The following ZNF226 variants were observed in gnomAD, a reference collection of about 807,000 sequenced individuals.
ZNF226 encodes the protein Kruppel-associated box protein.
In ZNF226, 6 loss-of-function variants were observed where a neutral mutation model predicts 11.4. That is an observed-to-expected ratio of 0.53 (90% CI 0.29 to 1.04). ZNF226 has a LOEUF of 1.04. Ranked by LOEUF, ZNF226 falls within the 50% of genes least tolerant of loss-of-function variation. ZNF226 has a pLI of 0.08. For missense variants in ZNF226, 1,058 were observed against 956.5 expected (o/e 1.11, Z -1.40); for synonymous variants, 350 against 322.8 (o/e 1.08, Z -0.90).
In ZNF226 at chr19:44,172,146, T is replaced by C. The variant is rs1388121224; in HGVS notation, c.74T>C (p.Leu25Pro). 13 of 1,613,250 alleles carry C rather than the reference T, an allele frequency of 8.1e-6. No individual in the cohort carries two copies. Among genetic ancestry groups the C allele is most frequent in the African/African-American group, 1.3e-5 (1 of 74,936 alleles). ...TTCACGGAGGAGGAATTGGGGCTGC[T>C]GGGCCCTGCCCAGAGGAAGCTGTAC... ...VAFTEEELGL[L>P]GPAQRKLYRD... is the part of the protein sequence containing the mutation. The change falls in exon 4 of 6, where the codon CTG becomes CCG. Residue 25 changes from leucine (L) to proline (P), a missense_variant. By Grantham distance (98) the Leu-to-Pro change is moderately conservative. Transcript: ENST00000337433.
chr19:44,180,289 G>T (rs921216497), downstream of ZNF226, among the ~76,000 whole-genome samples: 1 of 152,072 alleles, frequency 6.6e-6, no homozygotes, highest in African/African-American at 2.4e-5. Context: ...TCTTTCTTAG[G>T]CGTTTCTGTG....
the ZNF226 span, among the ~76,000 whole-genome samples, chr19:44,187,156 T>C: frequency 3.9e-5 from 6 of 152,004 alleles, no homozygotes; most frequent in Non-Finnish European, 1.5e-5. This position sits in a 1 kb window ranked among gnomAD's most constrained non-coding sequence, Gnocchi z 4.0. Flanking sequence ...TTCCTTCCTC[T>C]TCACTTCTTT....
chr19:44,174,862 C>T (rs1970536391), intron 5 of ZNF226: 1 of 917,844 alleles, frequency 1.1e-6, no homozygotes. Context: ...TCCTTTCACC[C>T]CAAGTGATTA....
At chr19:44,188,783 A>T in the ZNF226 span, among the ~76,000 whole-genome samples, 1 of 152,254 alleles carries the variant, frequency 6.6e-6, no homozygotes, top group Admixed American at 6.5e-5. Flanking sequence ...ATCTAAATAG[A>T]AGAGACAGAG....
rs1970769265 is a variant in ZNF226, at chr19:44,177,173, C to T, written c.1911C>T (p.His637=). Residue 637 remains histidine, a synonymous_variant, in exon 6 of 6, where the codon CAC becomes CAT. Coordinates refer to ENST00000337433, the MANE Select transcript of ZNF226 (RefSeq NM_001032373.2). ...ATCTTTTGGCCCATCAGAGAGTCCA[C>T]AGTGGAGAAAAACCATTCAAATGTG... ...ASNLLAHQRV[H]SGEKPFKCEE... is the part of the protein sequence containing the mutation. The T allele has an allele frequency of 6.2e-7, 1 of 1,613,834 alleles. No homozygotes were observed. The highest frequency in any genetic ancestry group is 1.7e-5 in the Admixed American group (1 of 59,988).
chr19:44,195,778 C>G, the ZNF226 span, among the ~76,000 whole-genome samples: 1 of 152,198 alleles, frequency 6.6e-6, no homozygotes, highest in African/African-American at 2.4e-5. Flanking sequence ...CTTTTCATCA[C>G]CTTCCCTGGC....
chr19:44,176,371 G>C lies in ZNF226; in HGVS notation c.1109G>C (p.Arg370Thr), dbSNP rs767901259. ...CCTTATAATTGTGAGGAGTGTGGGA[G>C]GGCCTTCAGTCAGGCCTCTCATCTT... ...EKPYNCEECG[R>T]AFSQASHLQD... The change falls in exon 6 of 6, where the codon AGG (arginine) becomes ACG (threonine). Residue 370 changes from arginine to threonine, a missense_variant. Physicochemically the swap from Arg to Thr is moderately conservative, Grantham distance 71 (BLOSUM62 -1). Transcript: ENST00000337433. 46 of 1,613,806 alleles carry C rather than the reference G, an allele frequency of 2.9e-5. No homozygotes were observed. The highest frequency in any genetic ancestry group is 3.6e-5 in the Non-Finnish European group (42 of 1,179,880).
downstream of ZNF226, chr19:44,177,689 T>A (rs1373983546): frequency 1.4e-5 from 22 of 1,550,924 alleles, no homozygotes; most frequent in Non-Finnish European, 1.9e-5. Context: ...TTGTGAAGAC[T>A]CGTGTCATTT....
At position 44,176,743 on chromosome 19, in the gene ZNF226, A is replaced by T; in HGVS notation, c.1481A>T (p.Gln494Leu). Residue 494 changes from glutamine to leucine, a missense_variant, in exon 6 of 6, where the codon CAG (glutamine) becomes CTG (leucine). Physicochemically the swap from Gln to Leu is moderately radical, Grantham distance 113. Transcript: ENST00000337433. ...FTLSSNLQAH[Q>L]RVHTGEKPYK... ...CTGAGTTCAAATCTTCAAGCCCATCAGAGAGTCCACACTGGAGAGAAGCCA... is the reference window on the plus strand; with the variant it reads ...CTGAGTTCAAATCTTCAAGCCCATCTGAGAGTCCACACTGGAGAGAAGCCA... 1.9e-6 allele frequency: 3 copies of T among 1,614,216 alleles called. No individual in the cohort carries two copies. The highest frequency in any genetic ancestry group is 2.5e-6 in the Non-Finnish European group (3 of 1,180,030).
At chr19:44,179,855 G>T (rs972421189), downstream of ZNF226, among the ~76,000 whole-genome samples, 2 of 152,024 alleles carry the variant, frequency 1.3e-5, no homozygotes, top group African/African-American at 4.8e-5. Context: ...GGCTGAGGCA[G>T]GTGGATCACC....
At chr19:44,166,332 C>G (rs1424115808) in intron 2 of ZNF226, among the ~76,000 whole-genome samples, 2 of 152,282 alleles carry the variant, frequency 1.3e-5, no homozygotes, top group East Asian at 1.9e-4. Context: ...GAAACCCCAT[C>G]TCTACTAAAA....
the ZNF226 span, among the ~76,000 whole-genome samples, chr19:44,198,390 C>G: frequency 2.6e-5 from 4 of 152,142 alleles, no homozygotes; most frequent in African/African-American, 9.7e-5. Flanking sequence ...GCACTGATAG[C>G]TTTACAACAT....
downstream of ZNF226, among the ~76,000 whole-genome samples, chr19:44,182,374 AAC>A (rs750892375): frequency 6.4e-5 from 9 of 140,876 alleles, no homozygotes; most frequent in South Asian, 4.2e-4. Context: ...CACACACACA[AAC>A]ACACACACCT....
chr19:44,194,513 A>G, the ZNF226 span, among the ~76,000 whole-genome samples: 5 of 152,286 alleles, frequency 3.3e-5, no homozygotes, highest in East Asian at 7.7e-4. Context: ...TCCTGGTTTC[A>G]TGTATTTCTC....
intron 2 of ZNF226, chr19:44,166,822 C>T (rs1368796308): frequency 1.3e-5 from 2 of 152,170 alleles, no homozygotes; most frequent in African/African-American, 4.8e-5. Context: ...TACCGAAGGC[C>T]TTCTGATTTA....
downstream of ZNF226, among the ~76,000 whole-genome samples, chr19:44,179,557 G>C (rs145029867): frequency 5.3e-5 from 8 of 152,272 alleles, no homozygotes; most frequent in Admixed American, 3.3e-4. Context: ...TGCAGTGAAT[G>C]CATTTGAAGC....
At position 44,176,574 on chromosome 19, in the gene ZNF226, CA is replaced by C. The variant is rs1568572897; in HGVS notation, c.1313del (p.Gln438ArgfsTer49). On this transcript the variant is annotated frameshift_variant, in exon 6 of 6. Coordinates refer to ENST00000337433, the MANE Select transcript of ZNF226 (RefSeq NM_001032373.2). LOFTEE classifies it low-confidence loss of function (END_TRUNC). Reference protein sequence around the residue: ...FICSSNLYIHQRVHTGEKPYK... With the variant: ...FICSSNLYIHXRVHTGEKPYK... ...TTGTAGCTCAAATCTTTACATTCATCAGAGAGTCCACACAGGAGAAAAACCC... is the reference window on the plus strand; with the variant it reads ...TTGTAGCTCAAATCTTTACATTCATCGAGAGTCCACACAGGAGAAAAACCC... 3 of 1,614,094 alleles carry C rather than the reference CA, an allele frequency of 1.9e-6. No individual in the cohort carries two copies. The highest frequency in any genetic ancestry group is 2.5e-6 in the Non-Finnish European group (3 of 1,180,010).
chr19:44,174,727 A>G (rs1015339261), intron 5 of ZNF226: 1 of 313,306 alleles, frequency 3.2e-6, no homozygotes. Flanking sequence ...TGTTAAAGAC[A>G]AACATATCTA....
intron 3 of ZNF226, among the ~76,000 whole-genome samples, chr19:44,171,025 C>G (rs570214815): frequency 6.6e-6 from 1 of 151,228 alleles, no homozygotes; most frequent in African/African-American, 2.4e-5. Context: ...TTTTACATTT[C>G]TTACATTTAT....
Sources: allele counts gnomAD v4.1 joint callset (sites outside exome capture counted in the v4.1 genomes callset), GRCh38; gene constraint gnomAD v4.1.1; non-coding constraint Gnocchi (gnomAD v3.1); transcripts MANE v1.5; gene names NCBI Gene and HGNC (gene_info 2026-07-23, HGNC 2026-07-21).